Variants in SLC44A1 observed in about 807,000 individuals in gnomAD.
SLC44A1 encodes the protein solute carrier family 44 member 1.
A neutral mutation model predicts 79.3 loss-of-function variants in SLC44A1; 26 were observed. The observed-to-expected ratio is 0.33, with a 90% CI of 0.24 to 0.46. SLC44A1 has a LOEUF of 0.46. Ranked by LOEUF, SLC44A1 falls within the 20% of genes least tolerant of loss-of-function variation. SLC44A1 has a pLI of 1.00. For synonymous variants in SLC44A1, 263 were observed against 286.2 expected (o/e 0.92, Z 0.82); for missense variants, 688 against 798.1 (o/e 0.86, Z 1.66).
At chr9:105,403,999 C>G (rs535460345) in intron 15 of SLC44A1, among the ~76,000 whole-genome samples, 191 of 151,824 alleles carry the variant, frequency 1.3e-3, no homozygotes, top group African/African-American at 4.6e-3. Context: ...AAAAATTACC[C>G]TGACAACAGT....
At chr9:105,345,536 A>G (rs1213797668) in intron 4 of SLC44A1, among the ~76,000 whole-genome samples, 1 of 152,172 alleles carries the variant, frequency 6.6e-6, no homozygotes, top group Non-Finnish European at 1.5e-5. Context: ...TTCCACTTCT[A>G]AATATGCCAG....
chr9:105,390,158 G>C lies in SLC44A1; in HGVS notation c.*1102G>C. The C allele has an allele frequency of 3.3e-6, 4 of 1,208,496 alleles. No individual in the cohort carries two copies. The highest frequency in any genetic ancestry group is 4.1e-6 in the Non-Finnish European group (4 of 969,982). The allele number at this position is 1,208,496 out of a possible 1,614,324, so 74.9% of individuals were successfully genotyped here. On this transcript the variant is annotated 3_prime_UTR_variant, in exon 16 of 16. Coordinates refer to ENST00000374720, the MANE Select transcript of SLC44A1 (RefSeq NM_080546.5). Reference sequence around the variant, plus strand: ...AATGTTTTGATCCTCCAGTGTGACTGTTGTTTTTGTTTGGGGGTGGGTTTG... The same window carrying C: ...AATGTTTTGATCCTCCAGTGTGACTCTTGTTTTTGTTTGGGGGTGGGTTTG...
At chr9:105,407,023 G>A (rs964532539) in intron 15 of SLC44A1, among the ~76,000 whole-genome samples, 2 of 152,056 alleles carry the variant, frequency 1.3e-5, no homozygotes, top group Non-Finnish European at 2.9e-5. Context: ...ATTTGAGCAG[G>A]CAGAAGAAAG....
chr9:105,389,655 TG>T lies in SLC44A1; in HGVS notation c.*600del. ...GAATTTTCATAATAGTTCATACATT[TG>T]TCAGCCAACATTAAAAGGTAACCAA... On this transcript the variant is annotated 3_prime_UTR_variant, in exon 16 of 16. Coordinates refer to ENST00000374720, the MANE Select transcript of SLC44A1 (RefSeq NM_080546.5). 1 of 1,231,894 alleles carries T rather than the reference TG, an allele frequency of 8.1e-7. No individual in the cohort carries two copies. Among genetic ancestry groups the T allele is most frequent in the Non-Finnish European group, 1.0e-6 (1 of 986,400 alleles). 76.3% of individuals were successfully genotyped at this position (1,231,894 alleles called of 1,614,324 possible).
rs141509862 is a variant in SLC44A1 at position 105,329,054 on chromosome 9, TG to T, written c.270-6506del. On this transcript the variant is annotated intron_variant, in intron 3 of 15. Transcript: ENST00000374720. ...CCCTCTGGAAATAAGAGGCCTCCTC[TG>T]GGCAGAATTCCGCTGTGGGTGGAGT... 1.1e-3 allele frequency among the ~76,000 whole-genome samples: 169 copies of T among 152,290 alleles called. 4 individuals carry two copies. In the East Asian group the frequency reaches 0.031, roughly 28 times the overall value.
At chr9:105,421,945 G>T (rs917146959) in intron 15 of SLC44A1, among the ~76,000 whole-genome samples, 8 of 152,250 alleles carry the variant, frequency 5.3e-5, no homozygotes, top group Admixed American at 5.2e-4. Flanking sequence ...TTTCAGTCTT[G>T]CACAGGCCTA....
At chr9:105,246,917 G>C (rs1469825431) in intron 1 of SLC44A1, among the ~76,000 whole-genome samples, 1 of 152,138 alleles carries the variant, frequency 6.6e-6, no homozygotes, top group Non-Finnish European at 1.5e-5. Flanking sequence ...TCTCACTGTA[G>C]AACATGCCTT....
chr9:105,366,425 A>C lies in SLC44A1; in HGVS notation c.1490A>C (p.Asn497Thr), dbSNP rs753417975. 7 of 1,390,062 alleles carry C rather than the reference A, an allele frequency of 5.0e-6. No individual in the cohort carries two copies. Among genetic ancestry groups the C allele is most frequent in the Non-Finnish European group, 6.9e-6 (7 of 1,017,838 alleles). The allele number at this position is 1,390,062 out of a possible 1,614,324, so 86.1% of individuals were successfully genotyped here. A position where few individuals can be genotyped will look rare whatever the true frequency, so the allele number is the denominator to read the frequency against. The change falls in exon 12 of 16, where the codon AAT becomes ACT. Residue 497 changes from asparagine (N) to threonine (T), a missense_variant. Transcript: ENST00000374720. ...CTTGAAAAGTGCCTAAATTATTTAA[A>C]TCAGGTAAAATATTTTAAAAATAAA... is the stretch of plus-strand genomic sequence containing the variant. The part of the protein sequence containing the change: ...WCLEKCLNYL[N>T]QNAYTATAIN...
intron 5 of SLC44A1, among the ~76,000 whole-genome samples, chr9:105,355,557 C>A (rs1422495369): frequency 6.6e-6 from 1 of 152,032 alleles, no homozygotes; most frequent in East Asian, 1.9e-4. Context: ...ATACTTTTCC[C>A]CTTATATTAT....
chr9:105,351,135 A>G (rs1404515865), intron 5 of SLC44A1, among the ~76,000 whole-genome samples: 2 of 152,194 alleles, frequency 1.3e-5, no homozygotes, highest in Non-Finnish European at 2.9e-5. Context: ...GTAGAAACAG[A>G]TTACATAAAT....
chr9:105,324,045 A>G (rs1278411037), intron 3 of SLC44A1, among the ~76,000 whole-genome samples: 1 of 152,070 alleles, frequency 6.6e-6, no homozygotes, highest in Non-Finnish European at 1.5e-5. Context: ...TCTGTCGCCC[A>G]GGCTGGAGTG....
chr9:105,344,407 C>G (rs1352419674), intron 4 of SLC44A1, among the ~76,000 whole-genome samples: 1 of 152,088 alleles, frequency 6.6e-6, no homozygotes, highest in African/African-American at 2.4e-5. Flanking sequence ...TGGGTGAGAG[C>G]TTAGGGGGAG....
At chr9:105,387,373 A>G (rs567550948) in intron 15 of SLC44A1, among the ~76,000 whole-genome samples, 73 of 152,170 alleles carry the variant, frequency 4.8e-4, no homozygotes, top group Non-Finnish European at 9.0e-4. Flanking sequence ...CCTAGACATG[A>G]TTGCTTGGGC....
At chr9:105,386,144 GA>G in intron 15 of SLC44A1, 4 of 978,858 alleles carry the variant, frequency 4.1e-6, no homozygotes, top group Non-Finnish European at 4.9e-6. Flanking sequence ...TCTGGTAGTT[GA>G]TATTATATAT....
At chr9:105,316,938 GT>G (rs1831343774) in intron 3 of SLC44A1, among the ~76,000 whole-genome samples, 1 of 152,200 alleles carries the variant, frequency 6.6e-6, no homozygotes, top group African/African-American at 2.4e-5. Flanking sequence ...TCAGAAGTCT[GT>G]GCACAGCATG....
intron 4 of SLC44A1, among the ~76,000 whole-genome samples, chr9:105,344,135 G>A (rs777988517): frequency 2.0e-5 from 3 of 152,138 alleles, no homozygotes; most frequent in Non-Finnish European, 4.4e-5. Context: ...TCTGCATTGA[G>A]AGACTTTCTT....
At chr9:105,404,830 T>G (rs188590377) in intron 15 of SLC44A1, among the ~76,000 whole-genome samples, 372 of 152,330 alleles carry the variant, frequency 2.4e-3, no homozygotes, top group Non-Finnish European at 4.2e-3. Context: ...CCACAAAAGC[T>G]TTTTGAGGCT....
chr9:105,301,113 C>G (rs1050653948), intron 2 of SLC44A1, among the ~76,000 whole-genome samples: 5 of 152,164 alleles, frequency 3.3e-5, no homozygotes, highest in African/African-American at 1.2e-4. Context: ...CAGCCTTTCC[C>G]CACTCCCTGA....
intron 13 of SLC44A1, among the ~76,000 whole-genome samples, chr9:105,378,608 T>C (rs7851679): frequency 3.3e-5 from 5 of 152,188 alleles, no homozygotes; most frequent in East Asian, 1.9e-4. Context: ...CAAATGACTT[T>C]AAAAACCATA....
Sources: gnomAD v4.1 joint callset for allele counts (sites outside exome capture counted in the v4.1 genomes callset) on GRCh38, gnomAD v4.1.1 for gene constraint, MANE v1.5 for transcripts, NCBI Gene and HGNC (gene_info 2026-07-23, HGNC 2026-07-21) for gene names.